MDN1: variants seen among roughly 807,000 people sequenced by gnomAD.
MDN1 encodes the protein midasin.
MDN1 carries 266 observed loss-of-function variants against 669.2 expected under a neutral mutation model. The ratio of observed to expected loss-of-function variants is 0.40; its 90% CI spans 0.36 to 0.44. The LOEUF is 0.44. Among genes scored for constraint, MDN1 ranks in the 20% least tolerant of loss-of-function variants. The pLI, the probability that MDN1 is intolerant of heterozygous loss-of-function variation, is 1.00. For missense variants in MDN1, 5,940 were observed against 6,754.0 expected, an observed-to-expected ratio of 0.88 and a Z score of 4.22; for synonymous variants, 2,385 against 2,457.1, an observed-to-expected ratio of 0.97 and a Z score of 0.87.
chr6:89,719,644 A>G (rs1264845312), intron 40 of MDN1, among the ~76,000 whole-genome samples: 2 of 152,238 alleles, frequency 1.3e-5, no homozygotes, highest in Non-Finnish European at 2.9e-5. Context: ...TGTACCAAAC[A>G]CTGTATTAAG....
chr6:89,675,495 T>C lies in MDN1; in HGVS notation c.12730A>G (p.Thr4244Ala). 2 of 1,613,744 alleles carry C rather than the reference T, an allele frequency of 1.2e-6. No homozygotes were observed. The highest frequency in any genetic ancestry group is 1.7e-6 in the Non-Finnish European group (2 of 1,180,020). Residue 4244 changes from threonine to alanine, a missense_variant, in exon 78 of 102, where the codon ACC (threonine) becomes GCC (alanine). Around this residue, in one of 5 missense-constraint regions of MDN1, gnomAD observed 2,280 missense variants for 2,576.3 expected, o/e 0.88. Coordinates refer to ENST00000369393, the MANE Select transcript of MDN1 (RefSeq NM_014611.3). The stretch of plus-strand genomic sequence containing the variant: ...ATGATCCACTGCTCACTGAGCGTGG[T>C]CAGGGAGCGCCGCTGTCGGACGAGC... ...KMLVRQRRSL[T>A]TLSEQWIILR...
intron 1 of MDN1, among the ~76,000 whole-genome samples, chr6:89,805,083 C>T (rs373245192): frequency 4.1e-5 from 6 of 145,658 alleles, no homozygotes; most frequent in African/African-American, 1.3e-4. Context: ...GTTCAGAATG[C>T]AGGTAAGCAT....
chr6:89,675,271 A>C, intron 78 of MDN1, 193 bp downstream of exon 78: 1 of 565,334 alleles, frequency 1.8e-6, no homozygotes, highest in Non-Finnish European at 3.1e-6. Flanking sequence ...GCACGGAGGG[A>C]GAGGGACACT....
At position 89,805,733 on chromosome 6, in the gene MDN1, TG is replaced by T. The variant is rs201825165; in HGVS notation, c.103-2180del. 8.3e-4 allele frequency among the ~76,000 whole-genome samples: 127 copies of T among 152,328 alleles called. 2 individuals are homozygous for T. In the East Asian group the frequency reaches 0.02, roughly 24 times the overall value. ...CAGAGCATTCTCTCATGAAAACATT[TG>T]ATTCTGATCAAAGCACTGATTAGGG... On this transcript the variant is annotated intron_variant, in intron 1 of 101. Coordinates refer to ENST00000369393, the MANE Select transcript of MDN1 (RefSeq NM_014611.3).
At chr6:89,683,437 C>T in intron 72 of MDN1, 107 bp from the exon 73 acceptor site, 2 of 835,490 alleles carry the variant, frequency 2.4e-6, no homozygotes, top group South Asian at 1.7e-5. Flanking sequence ...ATACCCTGTA[C>T]CTTTTATATA....
intron 79 of MDN1, 75 bp downstream of exon 79, chr6:89,674,029 T>A: frequency 7.6e-7 from 1 of 1,320,762 alleles, no homozygotes; most frequent in Non-Finnish European, 9.9e-7. Flanking sequence ...CACCCTTCCC[T>A]TCCCACCCCC....
intron 58 of MDN1, 26 bp downstream of exon 58, chr6:89,699,575 G>A: frequency 1.9e-6 from 3 of 1,599,900 alleles, no homozygotes; most frequent in South Asian, 2.3e-5. Flanking sequence ...ATGTAAAGGA[G>A]GCTTATGTCT....
In MDN1 at chr6:89,683,167, T is replaced by A. The variant is rs1811761446; in HGVS notation, c.12067A>T (p.Arg4023Trp). 6.2e-7 allele frequency: 1 copy of A among 1,614,138 alleles called. No individual in the cohort carries two copies. Among genetic ancestry groups the A allele is most frequent in the Non-Finnish European group, 8.5e-7 (1 of 1,180,018 alleles). ...GCTGGTTGGGCTAACAGGGTCTCCC[T>A]CAGTGCCCTGTTCAGATTCTGAATG... The part of the protein sequence containing the change: ...SSIQNLNRAL[R>W]ETLLAQPAAG... Residue 4023 changes from arginine to tryptophan, a missense_variant, in exon 73 of 102, where the codon AGG becomes TGG. By Grantham distance (101) the Arg-to-Trp change is moderately radical. Transcript: ENST00000369393.
chr6:89,749,501 G>A, intron 25 of MDN1, 42 bp downstream of exon 25: 2 of 1,604,356 alleles, frequency 1.2e-6, no homozygotes, highest in Admixed American at 1.7e-5. Flanking sequence ...TCTACTATCT[G>A]ATGTGTTAAC....
At chr6:89,743,777 C>A in intron 29 of MDN1, 63 bp from the exon 30 acceptor site, 1 of 1,546,616 alleles carries the variant, frequency 6.5e-7, no homozygotes, top group Non-Finnish European at 8.8e-7. Context: ...ATAAACACCC[C>A]CCCTCAGCAA....
Position 89,644,084 on chromosome 6 carries a change from T to C in MDN1, c.16712A>G (p.Asp5571Gly). ...GAGTGTCTCAGGAAGTGCGTTTACA[T>C]CTCGAAGAATGATATAGTATGGGAA... Reference protein sequence around the residue: ...FPFPYYIILRDVNALPETLSD... With the variant: ...FPFPYYIILRGVNALPETLSD... Residue 5571 changes from aspartate (D) to glycine (G), a missense_variant, in exon 102 of 102, where the codon GAT becomes GGT. Coordinates refer to ENST00000369393, the MANE Select transcript of MDN1 (RefSeq NM_014611.3). The C allele has an allele frequency of 6.2e-7, 1 of 1,614,098 alleles. No individual in the cohort carries two copies. Among genetic ancestry groups the C allele is most frequent in the Non-Finnish European group, 8.5e-7 (1 of 1,180,022 alleles).
chr6:89,658,259 G>C lies in MDN1; in HGVS notation c.15133C>G (p.Gln5045Glu). Reference sequence around the variant, plus strand: ...GCGGCCCCAGCCAGCTCCATGGCCTGTGTGTTCTGCATGTTCTCCACACCA... The same window carrying C: ...GCGGCCCCAGCCAGCTCCATGGCCTCTGTGTTCTGCATGTTCTCCACACCA... ...QTGVENMQNTQAMELAGAAPE... is the reference protein window; with the variant it reads ...QTGVENMQNTEAMELAGAAPE... Residue 5045 changes from glutamine (Q) to glutamate (E), a missense_variant, in exon 90 of 102, where the codon CAG becomes GAG. By Grantham distance (29) the Gln-to-Glu change is conservative. This residue lies in a region of MDN1 where 2,280 missense variants were observed against 2,576.3 expected (regional missense o/e 0.88). Coordinates refer to ENST00000369393, the MANE Select transcript of MDN1 (RefSeq NM_014611.3). 6.2e-7 allele frequency: 1 copy of C among 1,614,196 alleles called. No individual in the cohort carries two copies. The highest frequency in any genetic ancestry group is 8.5e-7 in the Non-Finnish European group (1 of 1,180,034).
In MDN1 at chr6:89,733,976, C is replaced by T. The variant is rs1815767842; in HGVS notation, c.4724-1201G>A. ...CAAAAGACATAATGAATACCAAATG[C>T]AAAATGATTAATTCATTAAAAATAA... On this transcript the variant is annotated intron_variant, in intron 33 of 101. Transcript: ENST00000369393. Among the ~76,000 whole-genome samples the T allele has an allele frequency of 2.0e-5, 3 of 151,866 alleles. No individual in the cohort carries two copies. In the South Asian group the frequency reaches 6.2e-4, roughly 32 times the overall value.
At chr6:89,774,813 C>A (rs1031571957) in intron 12 of MDN1, 80 bp from the exon 13 acceptor site, 13 of 889,716 alleles carry the variant, frequency 1.5e-5, no homozygotes, top group Non-Finnish European at 2.2e-5. Context: ...TATTTTGGCC[C>A]TCAAATTAGC....
At chr6:89,806,228 GTGCCCGGCCCCATTTTTTAAA>G (rs1473509599) in intron 1 of MDN1, among the ~76,000 whole-genome samples, 1 of 152,078 alleles carries the variant, frequency 6.6e-6, no homozygotes, top group African/African-American at 2.4e-5. Context: ...GTGAGCCACT[GTGCCCGGCCCCATTTTTTAAA>G]TAATAAAGTA....
chr6:89,731,156 T>C (rs1258151201), intron 34 of MDN1, among the ~76,000 whole-genome samples: 4 of 152,234 alleles, frequency 2.6e-5, no homozygotes, highest in Non-Finnish European at 5.9e-5. Context: ...AGTCACTCAG[T>C]GATAAATCAG....
At position 89,655,791 on chromosome 6, in the gene MDN1, T is replaced by C; in HGVS notation, c.15463A>G (p.Ser5155Gly). The part of the protein sequence containing the change: ...ADAFEHIKQG[S>G]DAYDAQTYDV... ...TAGGTCTGTGCATCGTATGCGTCAC[T>C]GCCTTGTTTAATGTGCTCGAATGCA... Residue 5155 changes from serine (S) to glycine (G), a missense_variant, in exon 92 of 102, where the codon AGT becomes GGT. Coordinates refer to ENST00000369393, the MANE Select transcript of MDN1 (RefSeq NM_014611.3). The C allele has an allele frequency of 1.2e-6, 2 of 1,612,402 alleles. No homozygotes were observed. Among genetic ancestry groups the C allele is most frequent in the Non-Finnish European group, 1.7e-6 (2 of 1,179,326 alleles).
intron 31 of MDN1, among the ~76,000 whole-genome samples, chr6:89,742,152 T>A (rs1425873879): frequency 1.3e-5 from 2 of 150,002 alleles, no homozygotes; most frequent in African/African-American, 4.9e-5. Flanking sequence ...GTGGCTCACA[T>A]CTATAATCCT....
chr6:89,716,884 G>A lies in MDN1; in HGVS notation c.6584-75C>T, dbSNP rs991059762. 2.8e-6 allele frequency: 4 copies of A among 1,416,760 alleles called. No individual in the cohort carries two copies. In the East Asian group the frequency reaches 1.0e-4, roughly 36 times the overall value. 87.8% of individuals were successfully genotyped at this position (1,416,760 alleles called of 1,614,324 possible). A position where few individuals can be genotyped will look rare whatever the true frequency, so the allele number is the denominator to read the frequency against. ...AAAGAATTAAGTTTATGAAAAGGAA[G>A]CTTGATACTTCTAGCCAAGGTTTTT... is the stretch of plus-strand genomic sequence containing the variant. On this transcript the variant is annotated intron_variant, in intron 43 of 101. Transcript: ENST00000369393.
Sources: allele counts gnomAD v4.1 joint callset (sites outside exome capture counted in the v4.1 genomes callset), GRCh38; gene constraint gnomAD v4.1.1; regional missense constraint gnomAD v4.1.1; transcripts MANE v1.5; gene names NCBI Gene and HGNC (gene_info 2026-07-23, HGNC 2026-07-21).